The following CRB1 variants were observed in gnomAD, a reference collection of about 807,000 sequenced individuals.
CRB1 encodes the protein protein crumbs homolog 1.
CRB1 carries 83 observed loss-of-function variants against 120.0 expected under a neutral mutation model. That is an observed-to-expected ratio of 0.69 (90% CI 0.58 to 0.83). CRB1 has a LOEUF of 0.83. Ranked by LOEUF, CRB1 falls within the 40% of genes least tolerant of loss-of-function variation. The pLI is 0.00. For missense variants in CRB1, 1,699 were observed against 1,687.6 expected, an observed-to-expected ratio of 1.01 and a Z score of -0.12; for synonymous variants, 625 against 612.5, an observed-to-expected ratio of 1.02 and a Z score of -0.30.
chr1:197,317,527 C>T (rs966107738), intron 1 of CRB1, among the ~76,000 whole-genome samples: 2 of 152,064 alleles, frequency 1.3e-5, no homozygotes, highest in Admixed American at 6.6e-5. Flanking sequence ...CAGAAGGCCC[C>T]AAATTACCCA....
intron 1 of CRB1, among the ~76,000 whole-genome samples, chr1:197,296,266 T>C (rs1656513486): frequency 6.6e-6 from 1 of 152,062 alleles, no homozygotes; most frequent in Non-Finnish European, 1.5e-5. Context: ...CCAGATGTTT[T>C]GCCTCAGAAA....
At chr1:197,430,689 C>G (rs1175019896) in intron 8 of CRB1, among the ~76,000 whole-genome samples, 2 of 151,954 alleles carry the variant, frequency 1.3e-5, no homozygotes, top group African/African-American at 4.8e-5. Flanking sequence ...ATTTTTATCT[C>G]TTATTGTTCC....
the CRB1 span, among the ~76,000 whole-genome samples, chr1:197,227,120 C>T: frequency 6.6e-6 from 1 of 152,294 alleles, no homozygotes; most frequent in South Asian, 2.1e-4. Flanking sequence ...CAAAACCAAT[C>T]ATGCCTTCCC....
intron 5 of CRB1, among the ~76,000 whole-genome samples, chr1:197,373,881 GA>G (rs1459770517): frequency 1.3e-5 from 2 of 152,064 alleles, no homozygotes; most frequent in Admixed American, 1.3e-4. Flanking sequence ...CTGAAAATAA[GA>G]ATCAGATTAT....
chr1:197,393,586 T>G (rs1662619758), intron 5 of CRB1, among the ~76,000 whole-genome samples: 1 of 152,078 alleles, frequency 6.6e-6, no homozygotes, highest in Non-Finnish European at 1.5e-5. Flanking sequence ...CTCACTATTA[T>G]TTTACTAGAA....
chr1:197,416,481 C>T (rs986822909), intron 5 of CRB1, among the ~76,000 whole-genome samples: 7 of 151,988 alleles, frequency 4.6e-5, no homozygotes, highest in Non-Finnish European at 7.4e-5. Context: ...GCTAGGTCTA[C>T]GTCTTCTAGT....
intron 4 of CRB1, among the ~76,000 whole-genome samples, chr1:197,348,505 C>A (rs1393297230): frequency 6.6e-6 from 1 of 152,100 alleles, no homozygotes; most frequent in East Asian, 1.9e-4. Context: ...GAAACGGAGT[C>A]TCTCTCTGTC....
intron 2 of CRB1, among the ~76,000 whole-genome samples, chr1:197,335,572 C>T (rs543453105): frequency 2.4e-4 from 36 of 152,094 alleles, no homozygotes; most frequent in Admixed American, 3.9e-4. Context: ...AATCTCGGCT[C>T]GCTGCAACCT....
At chr1:197,384,481 G>A (rs1278435558) in intron 5 of CRB1, among the ~76,000 whole-genome samples, 7 of 152,118 alleles carry the variant, frequency 4.6e-5, no homozygotes, top group Non-Finnish European at 8.8e-5. Context: ...AAGCGTTTCC[G>A]TTTAAGACCC....
the CRB1 span, among the ~76,000 whole-genome samples, chr1:197,203,788 T>C: frequency 1.3e-5 from 2 of 152,370 alleles, no homozygotes; most frequent in East Asian, 3.9e-4. Flanking sequence ...TCCTATGGAT[T>C]AATTACTTTT....
At chr1:197,308,341 G>A (rs1423453948) in intron 1 of CRB1, among the ~76,000 whole-genome samples, 1 of 152,120 alleles carries the variant, frequency 6.6e-6, no homozygotes, top group Non-Finnish European at 1.5e-5. Context: ...TGTAGGTGAT[G>A]GGATCCTTAC....
intron 5 of CRB1, among the ~76,000 whole-genome samples, chr1:197,416,283 A>T (rs1663996055): frequency 6.6e-6 from 1 of 152,216 alleles, no homozygotes; most frequent in African/African-American, 2.4e-5. Context: ...TAATATGAAG[A>T]TTTCATATCT....
At chr1:197,276,363 A>C (rs1655207183) in intron 1 of CRB1, among the ~76,000 whole-genome samples, 1 of 151,832 alleles carries the variant, frequency 6.6e-6, no homozygotes, top group Non-Finnish European at 1.5e-5. Flanking sequence ...ATTAAAATTT[A>C]CTATTTATTC....
the CRB1 span, among the ~76,000 whole-genome samples, chr1:197,239,459 T>G: frequency 6.6e-6 from 1 of 152,126 alleles, no homozygotes; most frequent in African/African-American, 2.4e-5. Flanking sequence ...GTAATGTTTC[T>G]TTCAGTCTGG....
At chr1:197,356,320 C>G (rs1325069145) in intron 4 of CRB1, among the ~76,000 whole-genome samples, 2 of 152,174 alleles carry the variant, frequency 1.3e-5, no homozygotes, top group Admixed American at 1.3e-4. Context: ...TTTTACTGTT[C>G]TTATTCCTGG....
At chr1:197,381,592 T>C (rs547905461) in intron 5 of CRB1, among the ~76,000 whole-genome samples, 23 of 152,334 alleles carry the variant, frequency 1.5e-4, no homozygotes, top group Non-Finnish European at 2.9e-4. Context: ...TAGTAAATTC[T>C]CTCACTATAA....
chr1:197,389,204 G>T (rs1441251961), intron 5 of CRB1, among the ~76,000 whole-genome samples: 1 of 151,954 alleles, frequency 6.6e-6, no homozygotes, highest in Non-Finnish European at 1.5e-5. Context: ...AATTCTGCTG[G>T]ATACACACCT....
chr1:197,270,383 G>A (rs1412065845), intron 1 of CRB1, among the ~76,000 whole-genome samples: 2 of 152,142 alleles, frequency 1.3e-5, no homozygotes, highest in Non-Finnish European at 2.9e-5. Flanking sequence ...GGAATGCCTG[G>A]TTAAAATGTG....
At chr1:197,226,965 A>T in the CRB1 span, among the ~76,000 whole-genome samples, 2 of 152,162 alleles carry the variant, frequency 1.3e-5, no homozygotes, top group Non-Finnish European at 2.9e-5. Context: ...AACTGCCCCC[A>T]TGATTCAAAT....
Sources: allele counts gnomAD v4.1 joint callset (sites outside exome capture counted in the v4.1 genomes callset), GRCh38; gene constraint gnomAD v4.1.1; transcripts MANE v1.5; gene names NCBI Gene and HGNC (gene_info 2026-07-23, HGNC 2026-07-21).